The following CDKAL1 variants were observed in gnomAD, a reference collection of about 807,000 sequenced individuals.
CDKAL1 encodes the protein CDKAL1 threonylcarbamoyladenosine tRNA methylthiotransferase.
CDKAL1 carries 32 observed loss-of-function variants against 68.2 expected under a neutral mutation model. That is an observed-to-expected ratio of 0.47 (90% CI 0.35 to 0.63). CDKAL1 has a LOEUF of 0.63. Ranked by LOEUF, CDKAL1 falls within the 30% of genes least tolerant of loss-of-function variation. The probability of loss-of-function intolerance (pLI) is 0.00; values close to 1 mark genes in which losing one functional copy is unlikely to be tolerated. For missense variants in CDKAL1, 606 were observed against 696.7 expected, an observed-to-expected ratio of 0.87 and a Z score of 1.47; for synonymous variants, 234 against 244.3, an observed-to-expected ratio of 0.96 and a Z score of 0.39.
intron 8 of CDKAL1, among the ~76,000 whole-genome samples, chr6:20,839,009 C>CTG (rs1778070788): frequency 6.6e-6 from 1 of 151,804 alleles, no homozygotes; most frequent in Admixed American, 6.6e-5. Context: ...GGAATGATCA[C>CTG]TGCTACTTAT....
chr6:20,866,424 C>T (rs1759910958), intron 9 of CDKAL1, among the ~76,000 whole-genome samples: 1 of 152,086 alleles, frequency 6.6e-6, no homozygotes, highest in Non-Finnish European at 1.5e-5. Context: ...ATATATCTGT[C>T]AAATATCAAA....
At chr6:21,203,873 C>T (rs992451560) in intron 15 of CDKAL1, among the ~76,000 whole-genome samples, 5 of 151,874 alleles carry the variant, frequency 3.3e-5, no homozygotes, top group Non-Finnish European at 7.4e-5. Flanking sequence ...ATCACTTGAC[C>T]TCTTTTGATG....
chr6:20,861,149 A>G lies in CDKAL1; in HGVS notation c.742+14971A>G, dbSNP rs930885036. 4.6e-5 allele frequency among the ~76,000 whole-genome samples: 7 copies of G among 152,178 alleles called. No homozygotes were observed. The South Asian group carries it at 1.0e-3, about 23-fold the overall frequency. ...ATGGGCCTGTGCACCTGATATGTCA[A>G]ATAATCAGACCTCAGAAATAACAGT... On this transcript the variant is annotated intron_variant, in intron 9 of 15. Coordinates refer to ENST00000274695, the MANE Select transcript of CDKAL1 (RefSeq NM_017774.3).
chr6:21,010,808 G>A (rs9465947), intron 11 of CDKAL1, among the ~76,000 whole-genome samples: 2,149 of 152,260 alleles, frequency 0.014, 49 homozygotes, highest in African/African-American at 0.048. Context: ...CCAGGGCTGG[G>A]CGCGATGGTT....
At chr6:20,812,516 T>G (rs1396761693) in intron 8 of CDKAL1, among the ~76,000 whole-genome samples, 1 of 152,196 alleles carries the variant, frequency 6.6e-6, no homozygotes, top group Non-Finnish European at 1.5e-5. Flanking sequence ...CAAATTTTTC[T>G]TTTGCTATTT....
intron 11 of CDKAL1, among the ~76,000 whole-genome samples, chr6:21,038,381 G>A (rs1218315729): frequency 6.6e-6 from 1 of 152,216 alleles, no homozygotes; most frequent in African/African-American, 2.4e-5. Context: ...GATAGATTCT[G>A]TAGGGGTCAG....
intron 5 of CDKAL1, among the ~76,000 whole-genome samples, chr6:20,693,318 C>T (rs1770958591): frequency 6.6e-6 from 1 of 152,012 alleles, no homozygotes. Flanking sequence ...TCTGCTTAGT[C>T]AGAAATACTA....
intron 13 of CDKAL1, among the ~76,000 whole-genome samples, chr6:21,133,400 C>T (rs1438462658): frequency 6.6e-6 from 1 of 152,184 alleles, no homozygotes; most frequent in Non-Finnish European, 1.5e-5. Flanking sequence ...ATGCATATTC[C>T]TACACCAGAT....
chr6:20,989,333 A>G (rs1363074760), intron 10 of CDKAL1, among the ~76,000 whole-genome samples: 1 of 152,202 alleles, frequency 6.6e-6, no homozygotes, highest in Admixed American at 6.5e-5. Context: ...ATGTTTAGTA[A>G]GTATTTGCTT....
At chr6:20,669,309 A>G (rs908771958) in intron 5 of CDKAL1, among the ~76,000 whole-genome samples, 3 of 152,054 alleles carry the variant, frequency 2.0e-5, no homozygotes, top group Non-Finnish European at 2.9e-5. Flanking sequence ...ATTAATTTGA[A>G]TTTTTGAGTG....
chr6:21,172,105 T>G (rs1777411533), intron 13 of CDKAL1, among the ~76,000 whole-genome samples: 1 of 152,166 alleles, frequency 6.6e-6, no homozygotes, highest in Non-Finnish European at 1.5e-5. Flanking sequence ...GTCCTCCCCC[T>G]AAAGCCAGTC....
At chr6:20,824,300 G>A (rs1777408121) in intron 8 of CDKAL1, among the ~76,000 whole-genome samples, 1 of 152,146 alleles carries the variant, frequency 6.6e-6, no homozygotes, top group Non-Finnish European at 1.5e-5. Flanking sequence ...ATCTATTGCT[G>A]TATAACTGCG....
At chr6:20,678,091 G>GTT (rs11371206) in intron 5 of CDKAL1, among the ~76,000 whole-genome samples, 38,892 of 144,276 alleles carry the variant, frequency 0.27, 5,301 homozygotes, top group East Asian at 0.47. Flanking sequence ...GATCTGTGTT[G>GTT]TTTTTTTTTT....
chr6:20,861,762 G>T (rs957633097), intron 9 of CDKAL1, among the ~76,000 whole-genome samples: 1 of 152,188 alleles, frequency 6.6e-6, no homozygotes, highest in Non-Finnish European at 1.5e-5. Context: ...GTGGGATGTT[G>T]CTGGAGCCCT....
intron 9 of CDKAL1, among the ~76,000 whole-genome samples, chr6:20,933,215 A>T (rs1428565369): frequency 6.6e-6 from 1 of 152,200 alleles, no homozygotes; most frequent in African/African-American, 2.4e-5. Flanking sequence ...TTCTGAATTT[A>T]AGTATTTACC....
chr6:21,215,952 G>A (rs1779327258), intron 15 of CDKAL1, among the ~76,000 whole-genome samples: 1 of 152,096 alleles, frequency 6.6e-6, no homozygotes, highest in Non-Finnish European at 1.5e-5. Context: ...TATCCAGATG[G>A]GCCCAGTGTA....
At chr6:20,780,708 CTG>C (rs1286794926) in intron 7 of CDKAL1, among the ~76,000 whole-genome samples, 1 of 135,318 alleles carries the variant, frequency 7.4e-6, no homozygotes, top group Non-Finnish European at 1.5e-5. Context: ...GAGTCTCACT[CTG>C]TCACCTAGGC....
intron 4 of CDKAL1, among the ~76,000 whole-genome samples, chr6:20,606,862 G>T (rs1326847848): frequency 6.6e-6 from 1 of 152,210 alleles, no homozygotes; most frequent in Non-Finnish European, 1.5e-5. Flanking sequence ...CTGCATTGAG[G>T]TTTTATTTAT....
chr6:21,046,431 T>C (rs1034052005), intron 11 of CDKAL1, among the ~76,000 whole-genome samples: 1 of 152,198 alleles, frequency 6.6e-6, no homozygotes, highest in Non-Finnish European at 1.5e-5. Flanking sequence ...TGGGCTCCCT[T>C]GGAGCCGCTG....
Sources: gnomAD v4.1 joint callset for allele counts (sites outside exome capture counted in the v4.1 genomes callset) on GRCh38, gnomAD v4.1.1 for gene constraint, MANE v1.5 for transcripts, NCBI Gene and HGNC (gene_info 2026-07-23, HGNC 2026-07-21) for gene names.